Variants in B3GALT1 observed in about 807,000 individuals in gnomAD.
B3GALT1 encodes the protein beta-1,3-galactosyltransferase 1.
Under a neutral mutation model 23.2 loss-of-function variants are expected in B3GALT1, and 10 were observed. That is an observed-to-expected ratio of 0.43 (90% CI 0.27 to 0.73). The LOEUF is 0.73. B3GALT1 is among the 30% of genes least tolerant of loss of function. The pLI, the probability that B3GALT1 is intolerant of heterozygous loss-of-function variation, is 0.21. For missense variants in B3GALT1, 299 were observed against 405.4 expected (o/e 0.74, Z 2.25); for synonymous variants, 156 against 141.5 (o/e 1.10, Z -0.73).
intron 3 of B3GALT1, among the ~76,000 whole-genome samples, chr2:167,696,940 G>A (rs919060939): frequency 6.6e-6 from 1 of 152,014 alleles, no homozygotes; most frequent in Non-Finnish European, 1.5e-5. Flanking sequence ...TAACACATTG[G>A]GTTATTGTGA....
At chr2:167,469,323 A>G (rs903522541) in intron 1 of B3GALT1, among the ~76,000 whole-genome samples, 1 of 152,210 alleles carries the variant, frequency 6.6e-6, no homozygotes, top group African/African-American at 2.4e-5. Context: ...TATCTGCTTT[A>G]TGGGATTATT....
chr2:167,530,427 G>A (rs911671069), intron 2 of B3GALT1, among the ~76,000 whole-genome samples: 1 of 152,038 alleles, frequency 6.6e-6, no homozygotes, highest in Non-Finnish European at 1.5e-5. Flanking sequence ...GTAGGTGCTC[G>A]CTAAACATTT....
intron 3 of B3GALT1, among the ~76,000 whole-genome samples, chr2:167,775,622 T>C (rs893373633): frequency 1.3e-5 from 2 of 150,438 alleles, no homozygotes; most frequent in Non-Finnish European, 3.0e-5. Context: ...TATGATGATA[T>C]AACATTTTAT....
intron 1 of B3GALT1, among the ~76,000 whole-genome samples, chr2:167,446,228 G>T (rs1698989254): frequency 2.0e-5 from 3 of 152,204 alleles, no homozygotes; most frequent in South Asian, 4.1e-4. Context: ...TCTGCTGAGA[G>T]ATCTGCTGTT....
intron 2 of B3GALT1, among the ~76,000 whole-genome samples, chr2:167,625,021 C>T (rs1230085845): frequency 2.0e-5 from 3 of 152,026 alleles, no homozygotes; most frequent in Non-Finnish European, 4.4e-5. Context: ...CTAGGCCTAA[C>T]TGGAGAATAA....
At chr2:167,569,905 T>C (rs1278787077) in intron 2 of B3GALT1, among the ~76,000 whole-genome samples, 1 of 151,896 alleles carries the variant, frequency 6.6e-6, no homozygotes, top group Non-Finnish European at 1.5e-5. Flanking sequence ...TATATTGATG[T>C]GTATTATGTC....
At chr2:167,815,286 G>A (rs758966541) in intron 3 of B3GALT1, 8 of 152,186 alleles carry the variant, frequency 5.3e-5, no homozygotes, top group African/African-American at 1.7e-4. Flanking sequence ...AATAGAGAGC[G>A]AAAGTCCTCT....
intron 3 of B3GALT1, among the ~76,000 whole-genome samples, chr2:167,805,461 G>A (rs1194409232): frequency 6.6e-6 from 1 of 152,188 alleles, no homozygotes; most frequent in African/African-American, 2.4e-5. Flanking sequence ...ATGGTTTTAG[G>A]TCTAACATTT....
At chr2:167,759,627 C>A (rs542946621) in intron 3 of B3GALT1, among the ~76,000 whole-genome samples, 86 of 152,188 alleles carry the variant, frequency 5.7e-4, no homozygotes, top group Non-Finnish European at 9.1e-4. Flanking sequence ...AGGAGCAAGC[C>A]GGTAATTGGC....
In B3GALT1 at chr2:167,867,075, C is replaced by T. The variant is rs184055995; in HGVS notation, c.-229-1736C>T. 7.7e-4 allele frequency among the ~76,000 whole-genome samples: 117 copies of T among 152,200 alleles called. 1 individual carries two copies. In the East Asian group the frequency reaches 0.016, roughly 20 times the overall value. ...CCGAGTAGCTGGGACTACAGGCACC[C>T]GCCACTACGCCTGGCTAATTTTTTG... is the stretch of plus-strand genomic sequence containing the variant. On this transcript the variant is annotated intron_variant, in intron 4 of 4. Transcript: ENST00000392690.
intron 3 of B3GALT1, among the ~76,000 whole-genome samples, chr2:167,765,647 T>C (rs1040272659): frequency 6.6e-6 from 1 of 152,166 alleles, no homozygotes; most frequent in Non-Finnish European, 1.5e-5. Flanking sequence ...AAACCAGCAT[T>C]AATACAAGGA....
chr2:167,412,074 A>C (rs948870712), intron 1 of B3GALT1, among the ~76,000 whole-genome samples: 1 of 152,128 alleles, frequency 6.6e-6, no homozygotes, highest in Admixed American at 6.6e-5. Flanking sequence ...TGAAGGAGAA[A>C]AAAGGAATAT....
intron 2 of B3GALT1, among the ~76,000 whole-genome samples, chr2:167,536,265 C>T (rs1345887941): frequency 6.6e-6 from 1 of 151,578 alleles, no homozygotes; most frequent in Non-Finnish European, 1.5e-5. Context: ...AAATGTTAGC[C>T]AGAAAGAGAG....
intron 2 of B3GALT1, among the ~76,000 whole-genome samples, chr2:167,512,367 T>C (rs992883415): frequency 6.6e-6 from 1 of 151,274 alleles, no homozygotes; most frequent in Non-Finnish European, 1.5e-5. Context: ...TTCATCATTA[T>C]TCTATAAATA....
rs140369833 is a variant in B3GALT1 at position 167,695,876 on chromosome 2, G to A, written c.-352+48910G>A. Reference sequence around the variant, plus strand: ...TACGATGGCTACCGTTGCTCCCACCGTCATGTCTGCATTCCAACCAGAGGG... The same window carrying A: ...TACGATGGCTACCGTTGCTCCCACCATCATGTCTGCATTCCAACCAGAGGG... On this transcript the variant is annotated intron_variant, in intron 3 of 4. Coordinates refer to ENST00000392690, the MANE Select transcript of B3GALT1 (RefSeq NM_020981.4). Among the ~76,000 whole-genome samples the A allele has an allele frequency of 6.7e-4, 102 of 152,124 alleles. 1 individual carries two copies. In the East Asian group the frequency reaches 0.018, roughly 27 times the overall value.
At chr2:167,690,097 G>A (rs965932597) in intron 3 of B3GALT1, among the ~76,000 whole-genome samples, 2 of 151,854 alleles carry the variant, frequency 1.3e-5, no homozygotes, top group South Asian at 4.2e-4. Context: ...TTGGAGATTT[G>A]GAAATAGTCC....
At chr2:167,493,390 G>A (rs1205622528) in intron 2 of B3GALT1, among the ~76,000 whole-genome samples, 1 of 152,070 alleles carries the variant, frequency 6.6e-6, no homozygotes, top group Non-Finnish European at 1.5e-5. Flanking sequence ...TATATACAAA[G>A]CCCTACATCA....
At chr2:167,618,977 A>G (rs1037501907) in intron 2 of B3GALT1, among the ~76,000 whole-genome samples, 1 of 150,936 alleles carries the variant, frequency 6.6e-6, no homozygotes, top group African/African-American at 2.4e-5. Flanking sequence ...TAAATATCTT[A>G]TGGGAAAATA....
chr2:167,345,304 C>T (rs1343381789), intron 1 of B3GALT1, among the ~76,000 whole-genome samples: 1 of 152,058 alleles, frequency 6.6e-6, no homozygotes, highest in Non-Finnish European at 1.5e-5. Flanking sequence ...TAATTTTCAT[C>T]TGTGAGTCTT....
Sources: gnomAD v4.1 joint callset for allele counts (sites outside exome capture counted in the v4.1 genomes callset) on GRCh38, gnomAD v4.1.1 for gene constraint, MANE v1.5 for transcripts, NCBI Gene and HGNC (gene_info 2026-07-23, HGNC 2026-07-21) for gene names.